Variants in NNT observed in about 807,000 individuals in gnomAD.
NNT encodes NAD(P) transhydrogenase, mitochondrial.
A neutral mutation model predicts 104.8 loss-of-function variants in NNT; 50 were observed. The observed-to-expected ratio is 0.48, with a 90% confidence interval of 0.38 to 0.60. NNT has a LOEUF of 0.60. NNT is among the 20% of genes least tolerant of loss of function. The pLI is 0.00. For missense variants in NNT, 1,131 were observed against 1,330.7 expected (o/e 0.85, Z 2.33); for synonymous variants, 461 against 490.4 (o/e 0.94, Z 0.79).
rs1319874175 is a variant in NNT at position 43,650,592 on chromosome 5, G to A, written c.1717+5G>A. The A allele has an allele frequency of 1.2e-6, 2 of 1,602,412 alleles. No homozygotes were observed. The highest frequency in any genetic ancestry group is 3.3e-5 in the Admixed American group (2 of 60,000). On this transcript the variant is annotated splice_donor_5th_base_variant and intron_variant, in intron 12 of 21. Coordinates refer to ENST00000344920, the MANE Select transcript of NNT (RefSeq NM_182977.3). ...TATCCTCTGTCAACATTGCAGGTAT[G>A]ATGTCAGTGAAAGGTCTCAGTACTA...
chr5:43,648,196 T>C, intron 10 of NNT: 1 of 1,073,438 alleles, frequency 9.3e-7, no homozygotes, highest in Non-Finnish European at 1.1e-6. Flanking sequence ...GGAAAATAAA[T>C]TAAAACTACA....
Position 43,706,857 on chromosome 5 carries a change from A to G in NNT, c.*2453A>G, listed in dbSNP as rs1357900969. Reference sequence around the variant, plus strand: ...AAGCTGGAAACCATCATTCTGAGCAAACTATTGCAAGGACAGAAAACCAAA... The same window carrying G: ...AAGCTGGAAACCATCATTCTGAGCAGACTATTGCAAGGACAGAAAACCAAA... On this transcript the variant is annotated 3_prime_UTR_variant, in exon 22 of 22. Transcript: ENST00000344920. The G allele has an allele frequency of 6.6e-6, 1 of 152,296 alleles. No homozygotes were observed. Among genetic ancestry groups the G allele is most frequent in the African/African-American group, 2.4e-5 (1 of 41,452 alleles). The allele number at this position is 152,296 out of a possible 1,614,324, so 9.4% of individuals were successfully genotyped here.
chr5:43,612,312 GC>G (rs1749544056), intron 2 of NNT, among the ~76,000 whole-genome samples: 1 of 152,200 alleles, frequency 6.6e-6, no homozygotes, highest in Non-Finnish European at 1.5e-5. Flanking sequence ...AGGTGCAGCT[GC>G]TAGTTTTCCT....
chr5:43,695,085 T>G (rs761352496), intron 19 of NNT, among the ~76,000 whole-genome samples: 3 of 152,196 alleles, frequency 2.0e-5, no homozygotes, highest in Non-Finnish European at 2.9e-5. Flanking sequence ...TTTGTGTGTA[T>G]AGAGGTATTT....
chr5:43,620,547 A>T (rs1363804623), intron 5 of NNT, among the ~76,000 whole-genome samples: 5 of 152,094 alleles, frequency 3.3e-5, no homozygotes, highest in African/African-American at 1.2e-4. Context: ...ACTTTGTTAT[A>T]TAAAGCCCAG....
chr5:43,613,274 G>A, intron 3 of NNT, 137 bp downstream of exon 3: 1 of 657,794 alleles, frequency 1.5e-6, no homozygotes, highest in Non-Finnish European at 2.5e-6. Context: ...AGAAATGACT[G>A]CATGTCGTCA....
intron 17 of NNT, among the ~76,000 whole-genome samples, chr5:43,661,964 C>T (rs1208586149): frequency 6.6e-6 from 1 of 152,066 alleles, no homozygotes; most frequent in Non-Finnish European, 1.5e-5. Context: ...ATTTCTAGTT[C>T]TAGATCCCTG....
chr5:43,651,711 T>C (rs751289819), intron 12 of NNT, 28 bp from the exon 13 acceptor site: 11 of 1,612,952 alleles, frequency 6.8e-6, no homozygotes, highest in South Asian at 1.1e-5. Flanking sequence ...AGAGGTACTA[T>C]GTTTTTTATT....
chr5:43,658,855 A>C (rs1159092212), intron 16 of NNT, among the ~76,000 whole-genome samples: 1 of 152,166 alleles, frequency 6.6e-6, no homozygotes, highest in African/African-American at 2.4e-5. Context: ...AAAGCCATAA[A>C]AACTGGGAAA....
intron 6 of NNT, among the ~76,000 whole-genome samples, chr5:43,625,577 T>C (rs1027456392): frequency 2.0e-5 from 3 of 152,144 alleles, no homozygotes; most frequent in African/African-American, 7.2e-5. Context: ...TGTTGGAAGA[T>C]TGAGTGGTAT....
At position 43,647,819 on chromosome 5, in the gene NNT, A is replaced by G. The variant is rs548940061; in HGVS notation, c.1445-1328A>G. 5.6e-5 allele frequency: 24 copies of G among 430,376 alleles called. 1 individual carries two copies. Among genetic ancestry groups the G allele is most frequent in the Non-Finnish European group, 1.0e-4 (22 of 212,114 alleles). The allele number at this position is 430,376 out of a possible 1,614,324, so 26.7% of individuals were successfully genotyped here. On this transcript the variant is annotated intron_variant, in intron 10 of 21. Transcript: ENST00000344920. The stretch of plus-strand genomic sequence containing the variant: ...GACTAATGTGGTCATGATAATAGCT[A>G]GCATTTAGTGACTCCTAGGCATTGT...
intron 4 of NNT, among the ~76,000 whole-genome samples, chr5:43,618,233 C>T (rs1309019446): frequency 1.3e-5 from 2 of 152,180 alleles, no homozygotes; most frequent in African/African-American, 4.8e-5. Context: ...GTTTCACCTG[C>T]GTTATCTCAT....
intron 19 of NNT, among the ~76,000 whole-genome samples, chr5:43,685,338 T>C (rs914530306): frequency 2.6e-5 from 4 of 152,214 alleles, no homozygotes; most frequent in Admixed American, 2.6e-4. Flanking sequence ...ATGCTATCAG[T>C]GTACATTGCC....
chr5:43,623,805 C>T (rs771938134), intron 5 of NNT, among the ~76,000 whole-genome samples: 2 of 152,082 alleles, frequency 1.3e-5, no homozygotes, highest in Non-Finnish European at 2.9e-5. Flanking sequence ...TTGTTGTTGG[C>T]CTTTGCTAGC....
At chr5:43,693,707 TA>T (rs566992450) in intron 19 of NNT, among the ~76,000 whole-genome samples, 83 of 151,688 alleles carry the variant, frequency 5.5e-4, no homozygotes, top group Non-Finnish European at 9.7e-4. Context: ...TCTAGAGAAT[TA>T]AAAAAAAATT....
intron 7 of NNT, 124 bp from the exon 8 acceptor site, chr5:43,644,068 T>C: frequency 1.1e-6 from 1 of 875,760 alleles, no homozygotes. Flanking sequence ...TTTAGGGGTC[T>C]CTTGGAAAGA....
rs764204499 is a variant in NNT, at chr5:43,677,722, C to G, written c.2795-3C>G. 1.2e-6 allele frequency: 2 copies of G among 1,611,910 alleles called. No homozygotes were observed. The highest frequency in any genetic ancestry group is 2.7e-5 in the African/African-American group (2 of 74,868). ...TCTTCTGTGTTCTTAATGTTCCTTG[C>G]AGGCTATGGTCTCTGTGCAGCCAAA... On this transcript the variant is annotated splice_polypyrimidine_tract_variant and splice_region_variant and intron_variant, in intron 18 of 21. Coordinates refer to ENST00000344920, the MANE Select transcript of NNT (RefSeq NM_182977.3).
At chr5:43,654,758 A>G (rs561215008) in intron 14 of NNT, among the ~76,000 whole-genome samples, 2 of 152,306 alleles carry the variant, frequency 1.3e-5, no homozygotes, top group East Asian at 3.9e-4. Context: ...ATGTATTTGT[A>G]TGTGCATGTA....
At chr5:43,684,989 C>T (rs1156428999) in intron 19 of NNT, among the ~76,000 whole-genome samples, 1 of 152,184 alleles carries the variant, frequency 6.6e-6, no homozygotes, top group Non-Finnish European at 1.5e-5. Context: ...ATAGCCCATA[C>T]TACGGACTTT....
Sources: gnomAD v4.1 joint callset for allele counts (sites outside exome capture counted in the v4.1 genomes callset) on GRCh38, gnomAD v4.1.1 for gene constraint, MANE v1.5 for transcripts, NCBI Gene and HGNC (gene_info 2026-07-23, HGNC 2026-07-21) for gene names.